PPP1R1C: variants seen among roughly 807,000 people sequenced by gnomAD.
PPP1R1C encodes protein phosphatase 1 regulatory inhibitor subunit 1C.
In PPP1R1C, 15 loss-of-function variants were observed where a neutral mutation model predicts 17.4. That is an observed-to-expected ratio of 0.86 (90% CI 0.58 to 1.33). The LOEUF is 1.33. Among genes scored for constraint, PPP1R1C ranks in the 40% most tolerant of loss-of-function variants. The pLI is 0.00. For synonymous variants in PPP1R1C, 35 were observed against 43.1 expected (o/e 0.81, Z 0.73); for missense variants, 143 against 130.0 (o/e 1.10, Z -0.48).
At chr2:182,023,092 A>G (rs1686478877) in intron 2 of PPP1R1C, among the ~76,000 whole-genome samples, 1 of 152,184 alleles carries the variant, frequency 6.6e-6, no homozygotes, top group African/African-American at 2.4e-5. Context: ...AATGTAAAAA[A>G]CCACAATGTA....
intron 4 of PPP1R1C, among the ~76,000 whole-genome samples, chr2:182,101,929 A>G (rs1224766269): frequency 1.3e-5 from 2 of 152,146 alleles, no homozygotes; most frequent in Non-Finnish European, 2.9e-5. Context: ...GCTGATCTAT[A>G]TGAAGGCCTC....
downstream of PPP1R1C, among the ~76,000 whole-genome samples, chr2:182,120,746 C>T (rs537825055): frequency 1.1e-4 from 16 of 152,094 alleles, no homozygotes; most frequent in African/African-American, 3.9e-4. Flanking sequence ...TTCAAAGGGA[C>T]TCAGGCAAAC....
At chr2:182,106,657 G>A (rs553740073) in intron 4 of PPP1R1C, among the ~76,000 whole-genome samples, 21 of 152,190 alleles carry the variant, frequency 1.4e-4, no homozygotes, top group Admixed American at 6.5e-4. Context: ...AAGAATCCCC[G>A]GATACAGAAA....
At chr2:182,023,625 T>C (rs1275379384) in intron 2 of PPP1R1C, among the ~76,000 whole-genome samples, 1 of 152,024 alleles carries the variant, frequency 6.6e-6, no homozygotes, top group Non-Finnish European at 1.5e-5. Flanking sequence ...TATTAAATTA[T>C]TGATTTTTTT....
At position 182,060,371 on chromosome 2, in the gene PPP1R1C, T is replaced by C. The variant is rs116298111; in HGVS notation, c.143-1071T>C. On this transcript the variant is annotated intron_variant, in intron 2 of 4. Coordinates refer to ENST00000682840, the MANE Select transcript of PPP1R1C (RefSeq NM_001080545.3). ...ATATATGTATATATTTGTGTGCATA[T>C]ATATGTATATCCACATACATATGTA... Among the ~76,000 whole-genome samples, 1,032 of 152,258 alleles carry C rather than the reference T, an allele frequency of 6.8e-3. 6 individuals are homozygous for C. The highest frequency in any genetic ancestry group is 0.011 in the Non-Finnish European group (767 of 68,008).
At chr2:182,094,344 C>G (rs2125223263) in intron 4 of PPP1R1C, among the ~76,000 whole-genome samples, 1 of 152,210 alleles carries the variant, frequency 6.6e-6, no homozygotes, top group East Asian at 1.9e-4. Flanking sequence ...ACGGGAGATA[C>G]AAGATGAGAT....
chr2:182,116,662 G>GT (rs1297819214), intron 4 of PPP1R1C, among the ~76,000 whole-genome samples: 1 of 152,174 alleles, frequency 6.6e-6, no homozygotes, highest in East Asian at 1.9e-4. Flanking sequence ...GTATGCCAAT[G>GT]TTTTTCCCAC....
At chr2:181,993,997 A>G (rs1685541949) in intron 2 of PPP1R1C, among the ~76,000 whole-genome samples, 1 of 148,042 alleles carries the variant, frequency 6.8e-6, no homozygotes, top group African/African-American at 2.5e-5. Context: ...GTTTTCCCAA[A>G]AAACAGTAGT....
chr2:181,979,947 G>T (rs1191148875), intron 2 of PPP1R1C, among the ~76,000 whole-genome samples: 3 of 152,198 alleles, frequency 2.0e-5, no homozygotes, highest in African/African-American at 7.2e-5. Context: ...ATAAAAGAAT[G>T]TCTGTGGCTC....
intron 2 of PPP1R1C, among the ~76,000 whole-genome samples, chr2:182,055,464 TC>T (rs1687654993): frequency 6.6e-6 from 1 of 152,232 alleles, no homozygotes. Flanking sequence ...GTTCTAAGAC[TC>T]CTTTTTTCAA....
At chr2:182,059,580 C>T (rs893696627) in intron 2 of PPP1R1C, among the ~76,000 whole-genome samples, 2 of 151,960 alleles carry the variant, frequency 1.3e-5, no homozygotes, top group Non-Finnish European at 2.9e-5. Context: ...TTCCGTTGTA[C>T]CTTTGTCTGA....
intron 2 of PPP1R1C, among the ~76,000 whole-genome samples, chr2:182,020,651 T>A (rs1264893226): frequency 6.6e-6 from 1 of 152,220 alleles, no homozygotes; most frequent in African/African-American, 2.4e-5. Flanking sequence ...TAAAGTCCTA[T>A]CCTTTCTGGT....
chr2:182,100,729 CGCCT>C (rs1002322510), intron 4 of PPP1R1C, among the ~76,000 whole-genome samples: 9 of 152,236 alleles, frequency 5.9e-5, no homozygotes, highest in African/African-American at 1.9e-4. Context: ...TCCCTTTGTT[CGCCT>C]GTCTACTTCA....
At position 182,061,456 on chromosome 2, in the gene PPP1R1C, AG is replaced by A; in HGVS notation, c.162del (p.Asn56ThrfsTer24). ...TTCTCTTACAGAAATAGATGACAAG[AG>A]GGGGCCCAACACACAAGGGGAAGTA... ...EHNPPEIDDK[R>X]GPNTQGELQN... On this transcript the variant is annotated frameshift_variant, in exon 3 of 5. Coordinates refer to ENST00000682840, the MANE Select transcript of PPP1R1C (RefSeq NM_001080545.3). LOFTEE classifies it high-confidence loss of function. The A allele has an allele frequency of 6.8e-7, 1 of 1,476,438 alleles. No homozygotes were observed. The allele number at this position is 1,476,438 out of a possible 1,614,324, so 91.5% of individuals were successfully genotyped here. A position where few individuals can be genotyped will look rare whatever the true frequency, so the allele number is the denominator to read the frequency against.
At chr2:182,034,163 C>G (rs1168544099) in intron 2 of PPP1R1C, among the ~76,000 whole-genome samples, 1 of 152,076 alleles carries the variant, frequency 6.6e-6, no homozygotes. Flanking sequence ...CTGCCCTATT[C>G]AGAATAGAGG....
intron 4 of PPP1R1C, among the ~76,000 whole-genome samples, chr2:182,104,504 T>C (rs1178173696): frequency 2.0e-5 from 3 of 152,224 alleles, no homozygotes; most frequent in Non-Finnish European, 2.9e-5. Context: ...CACTTATTGA[T>C]TTGTATATGT....
chr2:181,966,238 A>G, intron 1 of PPP1R1C, among the ~76,000 whole-genome samples: 1 of 152,184 alleles, frequency 6.6e-6, no homozygotes, highest in East Asian at 1.9e-4. Flanking sequence ...ATATAAGATT[A>G]TGTCATCTGC....
In PPP1R1C at chr2:182,072,101, C is replaced by T. The variant is rs537321739; in HGVS notation, c.241+8310C>T. ...TCCTTGCAAAAATGTGTGTACACCA[C>T]GTCCATTAATGTAGGCGCTATCAGT... On this transcript the variant is annotated intron_variant, in intron 4 of 4. Coordinates refer to ENST00000682840, the MANE Select transcript of PPP1R1C (RefSeq NM_001080545.3). Among the ~76,000 whole-genome samples the T allele has an allele frequency of 1.4e-4, 22 of 152,274 alleles. 1 individual carries two copies. The South Asian group carries it at 3.9e-3, about 27-fold the overall frequency.
chr2:182,062,495 A>G (rs1388727022), intron 3 of PPP1R1C, among the ~76,000 whole-genome samples: 1 of 152,116 alleles, frequency 6.6e-6, no homozygotes, highest in Non-Finnish European at 1.5e-5. Context: ...AGAAATGTCA[A>G]TCATCCACAT....
Sources: gnomAD v4.1 joint callset for allele counts (sites outside exome capture counted in the v4.1 genomes callset) on GRCh38, gnomAD v4.1.1 for gene constraint, MANE v1.5 for transcripts, NCBI Gene and HGNC (gene_info 2026-07-23, HGNC 2026-07-21) for gene names.